The following ZNF45 variants were observed in gnomAD, a reference collection of about 807,000 sequenced individuals.
ZNF45 encodes the protein BRC1744.
ZNF45 carries 4 observed loss-of-function variants against 12.0 expected under a neutral mutation model. The observed-to-expected ratio is 0.33, with a 90% confidence interval of 0.16 to 0.76. The LOEUF (loss-of-function observed/expected upper bound fraction) is 0.76, where lower values mean the gene tolerates loss of function less well. Ranked by LOEUF, ZNF45 falls within the 30% of genes least tolerant of loss-of-function variation. ZNF45 has a pLI of 0.60. For missense variants in ZNF45, 700 were observed against 813.0 expected (o/e 0.86, Z 1.69); for synonymous variants, 272 against 279.6 (o/e 0.97, Z 0.27).
rs200912684 is a variant in ZNF45 at position 43,922,192 on chromosome 19, C to T, written c.-7G>A. 1.2e-6 allele frequency: 2 copies of T among 1,607,654 alleles called. No individual in the cohort carries two copies. The highest frequency in any genetic ancestry group is 8.5e-7 in the Non-Finnish European group (1 of 1,175,834). On this transcript the variant is annotated 5_prime_UTR_variant, in exon 7 of 10. Transcript: ENST00000269973. ...TCACCTTAGACTTCGTCATTTTGTCCTCCTCCTTCTGGAGAAGTGCCAAGT... is the reference window on the plus strand; with the variant it reads ...TCACCTTAGACTTCGTCATTTTGTCTTCCTCCTTCTGGAGAAGTGCCAAGT...
chr19:43,914,003 C>G lies in ZNF45; in HGVS notation c.1433G>C (p.Gly478Ala). 1 of 1,614,008 alleles carries G rather than the reference C, an allele frequency of 6.2e-7. No homozygotes were observed. The highest frequency in any genetic ancestry group is 8.5e-7 in the Non-Finnish European group (1 of 1,179,994). ...GEKPYKCGTCGKGFSRSSDLN... is the reference protein window; with the variant it reads ...GEKPYKCGTCAKGFSRSSDLN... ...ATCTGAGCTCCGACTGAAGCCCTTC[C>G]CACATGTACCACATTTGTAGGGTTT... The change falls in exon 10 of 10, where the codon GGG (glycine) becomes GCG (alanine). Residue 478 changes from glycine to alanine, a missense_variant. Gly to Ala is a moderately conservative substitution (Grantham distance 60, BLOSUM62 0). Coordinates refer to ENST00000269973, the MANE Select transcript of ZNF45 (RefSeq NM_003425.4).
Position 43,919,683 on chromosome 19 carries a change from T to G in ZNF45, c.32A>C (p.Lys11Thr). 2.5e-6 allele frequency: 4 copies of G among 1,612,026 alleles called. No homozygotes were observed. The highest frequency in any genetic ancestry group is 2.2e-5 in the East Asian group (1 of 44,790). Residue 11 changes from lysine (K) to threonine (T), a missense_variant, in exon 8 of 10, where the codon AAG (lysine) becomes ACG (threonine). Coordinates refer to ENST00000269973, the MANE Select transcript of ZNF45 (RefSeq NM_003425.4). MTKSKEAVTFKDVAVVFSEEE... is the reference protein window; with the variant it reads MTKSKEAVTFTDVAVVFSEEE... ...CTCAGAGAAGACCACAGCCACGTCC[T>G]TGAATGTCACTGCCTCCTACAACAT...
At chr19:43,933,984 A>G (rs1050691413) in intron 2 of ZNF45, among the ~76,000 whole-genome samples, 4 of 152,138 alleles carry the variant, frequency 2.6e-5, no homozygotes, top group East Asian at 1.9e-4. Flanking sequence ...CTTGATCTCA[A>G]ATGGCTCCTC....
Position 43,914,283 on chromosome 19 carries a change from C to T in ZNF45, c.1153G>A (p.Glu385Lys), listed in dbSNP as rs771932091. The change falls in exon 10 of 10, where the codon GAG becomes AAG. Residue 385 changes from glutamate (E) to lysine (K), a missense_variant. Transcript: ENST00000269973. ...LQAHQISHTG[E>K]KPYKCEECGK... ...CACTCCTCACATTTGTATGGCTTCT[C>T]TCCAGTGTGGCTTATCTGATGGGCC... 3.1e-6 allele frequency: 5 copies of T among 1,613,246 alleles called. No individual in the cohort carries two copies. The South Asian group carries it at 5.5e-5, about 18-fold the overall frequency.
chr19:43,915,792 A>C (rs909062700), intron 9 of ZNF45, among the ~76,000 whole-genome samples: 6 of 152,154 alleles, frequency 3.9e-5, no homozygotes, highest in African/African-American at 1.4e-4. Context: ...CCCCGACCCC[A>C]GTCTGTGGAA....
At position 43,913,485 on chromosome 19, in the gene ZNF45, A is replaced by G. The variant is rs1182431646; in HGVS notation, c.1951T>C (p.Trp651Arg). The G allele has an allele frequency of 6.2e-7, 1 of 1,613,500 alleles. No homozygotes were observed. The highest frequency in any genetic ancestry group is 1.1e-5 in the South Asian group (1 of 91,016). ...TGATGAATGATAAGACTTGAGCTCC[A>G]ACTGAAGCCCTTCCCACACTCCTCA... is the stretch of plus-strand genomic sequence containing the variant. Reference protein sequence around the residue: ...KCEECGKGFSWSSSLIIHQRV... With the variant: ...KCEECGKGFSRSSSLIIHQRV... Residue 651 changes from tryptophan to arginine, a missense_variant, in exon 10 of 10, where the codon TGG becomes CGG. Physicochemically the swap from Trp to Arg is moderately radical, Grantham distance 101. Transcript: ENST00000269973.
Position 43,913,283 on chromosome 19 carries a change from C to T in ZNF45, c.*104G>A, listed in dbSNP as rs879531550. ...GAGGCTTCTCTGCTGTGTGGTCTCC[C>T]AATCACTTGGCTGAACTACTGACTC... On this transcript the variant is annotated 3_prime_UTR_variant, in exon 10 of 10. Transcript: ENST00000269973. 55 of 1,372,072 alleles carry T rather than the reference C, an allele frequency of 4.0e-5. No homozygotes were observed. The Admixed American group carries it at 1.2e-3, about 30-fold the overall frequency. The allele number at this position is 1,372,072 out of a possible 1,614,324, so 85.0% of individuals were successfully genotyped here.
Position 43,918,980 on chromosome 19 carries a change from C to T in ZNF45, c.143-18G>A. Reference sequence around the variant, plus strand: ...CTGATGCCCTGTGAAAAGGCAAGGACATAGGTTTATAATTAATACATCAGA... The same window carrying T: ...CTGATGCCCTGTGAAAAGGCAAGGATATAGGTTTATAATTAATACATCAGA... On this transcript the variant is annotated intron_variant, in intron 8 of 9. Coordinates refer to ENST00000269973, the MANE Select transcript of ZNF45 (RefSeq NM_003425.4). 2.5e-6 allele frequency: 4 copies of T among 1,608,758 alleles called. No individual in the cohort carries two copies. The highest frequency in any genetic ancestry group is 2.6e-6 in the Non-Finnish European group (3 of 1,175,580).
intron 9 of ZNF45, among the ~76,000 whole-genome samples, chr19:43,917,535 G>C (rs1339691420): frequency 5.3e-5 from 8 of 152,022 alleles, no homozygotes; most frequent in Admixed American, 5.2e-4. Flanking sequence ...GCCCAGGCTG[G>C]AGTGCAATGG....
In ZNF45 at chr19:43,928,804, G is replaced by A. The variant is rs537886660; in HGVS notation, c.-399-3346C>T. On this transcript the variant is annotated intron_variant, in intron 3 of 9. Transcript: ENST00000269973. ...ATGAAGGTTTGTTAGGATCAGGAGT[G>A]CCAAGATCAACTCTATGCTCCTAAC... 8.5e-5 allele frequency among the ~76,000 whole-genome samples: 13 copies of A among 152,314 alleles called. No homozygotes were observed. The South Asian group carries it at 2.7e-3, about 32-fold the overall frequency.
rs1972372943 is a variant in ZNF45 at position 43,913,514 on chromosome 19, T to C, written c.1922A>G (p.Lys641Arg). ...QRVHTGEKPY[K>R]CEECGKGFSW... is the part of the protein sequence containing the mutation. ...GAAGCCCTTCCCACACTCCTCACAT[T>C]TGTATGGTTTTTCTCCGGTGTGAAC... Residue 641 changes from lysine to arginine, a missense_variant, in exon 10 of 10, where the codon AAA (lysine) becomes AGA (arginine). Coordinates refer to ENST00000269973, the MANE Select transcript of ZNF45 (RefSeq NM_003425.4). The C allele has an allele frequency of 1.9e-6, 3 of 1,613,724 alleles. No homozygotes were observed. The highest frequency in any genetic ancestry group is 4.5e-5 in the East Asian group (2 of 44,882).
chr19:43,917,802 A>C (rs1273863919), intron 9 of ZNF45, among the ~76,000 whole-genome samples: 1 of 152,152 alleles, frequency 6.6e-6, no homozygotes, highest in Non-Finnish European at 1.5e-5. Flanking sequence ...TTTCACTTTT[A>C]AATGTGACTT....
intron 3 of ZNF45, among the ~76,000 whole-genome samples, chr19:43,928,547 T>G (rs1276981555): frequency 6.6e-6 from 1 of 152,210 alleles, no homozygotes; most frequent in African/African-American, 2.4e-5. Context: ...TAAGAACCTA[T>G]TTCTACCAAT....
chr19:43,915,032 C>T lies in ZNF45; in HGVS notation c.404G>A (p.Arg135Gln), dbSNP rs1469701722. ...CTCATCTTTATAGTGCAAATCATCT[C>T]GTTTTTCCAACTGGCAGCCTGTTCT... ...IQRTGCQLEK[R>Q]DDLHYKDEGF... Residue 135 changes from arginine to glutamine, a missense_variant, in exon 10 of 10, where the codon CGA (arginine) becomes CAA (glutamine). Physicochemically the swap from Arg to Gln is conservative, Grantham distance 43. Transcript: ENST00000269973. The T allele has an allele frequency of 3.7e-6, 6 of 1,610,618 alleles. No homozygotes were observed. The highest frequency in any genetic ancestry group is 5.1e-6 in the Non-Finnish European group (6 of 1,178,490).
chr19:43,930,152 T>A (rs1157324542), intron 3 of ZNF45, among the ~76,000 whole-genome samples: 1 of 152,136 alleles, frequency 6.6e-6, no homozygotes, highest in African/African-American at 2.4e-5. Flanking sequence ...AAAAGGGGGA[T>A]GGAGGAATGC....
intron 4 of ZNF45, among the ~76,000 whole-genome samples, chr19:43,924,844 A>G (rs1048039799): frequency 2.0e-5 from 3 of 152,234 alleles, no homozygotes; most frequent in Non-Finnish European, 4.4e-5. Flanking sequence ...AAGGTCAGTG[A>G]AAGTGACTAA....
Position 43,914,528 on chromosome 19 carries a change from G to T in ZNF45, c.908C>A (p.Pro303Gln), listed in dbSNP as rs388685. 23 of 1,613,420 alleles carry T rather than the reference G, an allele frequency of 1.4e-5. No homozygotes were observed. Among genetic ancestry groups the T allele is most frequent in the Non-Finnish European group, 1.9e-5 (22 of 1,179,740 alleles). ...CTTCCCACACTCTTCACACTTATATGGTTTCTTTCCAGTGTGAACTTTCAG... is the reference window on the plus strand; with the variant it reads ...CTTCCCACACTCTTCACACTTATATTGTTTCTTTCCAGTGTGAACTTTCAG... ...VHLKVHTGKK[P>Q]YKCEECGKSF... Residue 303 changes from proline to glutamine, a missense_variant, in exon 10 of 10, where the codon CCA (proline) becomes CAA (glutamine). Physicochemically the swap from Pro to Gln is moderately conservative, Grantham distance 76 (BLOSUM62 -1). Coordinates refer to ENST00000269973, the MANE Select transcript of ZNF45 (RefSeq NM_003425.4).
intron 2 of ZNF45, among the ~76,000 whole-genome samples, chr19:43,934,027 T>G (rs1043817061): frequency 2.6e-5 from 4 of 152,206 alleles, no homozygotes; most frequent in Non-Finnish European, 5.9e-5. Context: ...TTTATATGGA[T>G]CATTTATCTA....
At chr19:43,931,299 C>G (rs951593594) in intron 3 of ZNF45, 1 of 152,166 alleles carries the variant, frequency 6.6e-6, no homozygotes, top group Non-Finnish European at 1.5e-5. Flanking sequence ...CTTTGGGAGG[C>G]CCAGGCGGGT....
Sources: gnomAD v4.1 joint callset for allele counts (sites outside exome capture counted in the v4.1 genomes callset) on GRCh38, gnomAD v4.1.1 for gene constraint, MANE v1.5 for transcripts, NCBI Gene and HGNC (gene_info 2026-07-23, HGNC 2026-07-21) for gene names.